The following NUFIP2 variants were observed in gnomAD, a reference collection of about 807,000 sequenced individuals.
The protein encoded by NUFIP2 is nuclear FMR1 interacting protein 2, also known as FMR1-interacting protein NUFIP2.
A neutral mutation model predicts 56.9 loss-of-function variants in NUFIP2; 6 were observed. The ratio of observed to expected loss-of-function variants is 0.11; its 90% CI spans 0.06 to 0.21. The LOEUF is 0.21. NUFIP2 is among the 10% of genes least tolerant of loss of function. The probability of loss-of-function intolerance (pLI) is 1.00; values close to 1 mark genes in which losing one functional copy is unlikely to be tolerated. For missense variants in NUFIP2, 828 were observed against 826.8 expected, an observed-to-expected ratio of 1.00 and a Z score of -0.02; for synonymous variants, 321 against 298.2, an observed-to-expected ratio of 1.08 and a Z score of -0.79.
At chr17:29,279,906 C>G (rs1464406200) in intron 2 of NUFIP2, among the ~76,000 whole-genome samples, 1 of 152,124 alleles carries the variant, frequency 6.6e-6, no homozygotes, top group African/African-American at 2.4e-5. Context: ...GCAACTTCCA[C>G]CTCCCAGATT....
At position 29,262,719 on chromosome 17, in the gene NUFIP2, ATAAGT is replaced by A. The variant is rs1403093136; in HGVS notation, c.*1815_*1819del. 6.1e-5 allele frequency: 9 copies of A among 146,772 alleles called. No homozygotes were observed. Among genetic ancestry groups the A allele is most frequent in the Non-Finnish European group, 1.3e-4 (9 of 67,022 alleles). 9.1% of individuals were successfully genotyped at this position (146,772 alleles called of 1,614,324 possible). A position where few individuals can be genotyped will look rare whatever the true frequency, so the allele number is the denominator to read the frequency against. On this transcript the variant is annotated 3_prime_UTR_variant, in exon 4 of 4. Coordinates refer to ENST00000225388, the MANE Select transcript of NUFIP2 (RefSeq NM_020772.3). ...AAGTTTCTGAACCTGGACTGATACA[ATAAGT>A]TATTTTATATATATATATATATATT...
chr17:29,281,600 G>A (rs1377317944), intron 2 of NUFIP2, among the ~76,000 whole-genome samples: 1 of 151,172 alleles, frequency 6.6e-6, no homozygotes, highest in Non-Finnish European at 1.5e-5. Context: ...GCTGAGGAAG[G>A]AGGAGAGCTT....
chr17:29,278,347 C>T (rs373322916), intron 2 of NUFIP2, among the ~76,000 whole-genome samples: 36 of 151,786 alleles, frequency 2.4e-4, no homozygotes, highest in African/African-American at 8.2e-4. Context: ...CCCGGGTTCA[C>T]GCTATTCTCC....
chr17:29,264,716 C>A, intron 3 of NUFIP2, 125 bp from the exon 4 acceptor site: 1 of 562,932 alleles, frequency 1.8e-6, no homozygotes. Context: ...AAACTTCAAG[C>A]CCATTTCCTC....
chr17:29,282,547 C>CAA (rs1332481060), intron 2 of NUFIP2, among the ~76,000 whole-genome samples: 119 of 118,526 alleles, frequency 1.0e-3, no homozygotes, highest in African/African-American at 3.4e-3. Context: ...GACCCCATCT[C>CAA]AAAAAAAAAA....
chr17:29,274,161 A>G (rs1161239269), intron 2 of NUFIP2, among the ~76,000 whole-genome samples: 1 of 152,220 alleles, frequency 6.6e-6, no homozygotes, highest in East Asian at 1.9e-4. Flanking sequence ...GTGAACAAAC[A>G]ATTACTATCC....
intron 2 of NUFIP2, among the ~76,000 whole-genome samples, chr17:29,274,328 G>C (rs1165489360): frequency 6.6e-6 from 1 of 152,116 alleles, no homozygotes; most frequent in Non-Finnish European, 1.5e-5. Flanking sequence ...AAACTAGCTG[G>C]GTGTGCTAAC....
chr17:29,270,515 T>C lies in NUFIP2; in HGVS notation c.2003-2985A>G, dbSNP rs375047144. 2.0e-3 allele frequency among the ~76,000 whole-genome samples: 300 copies of C among 152,202 alleles called. 2 individuals carry two copies. Among genetic ancestry groups the C allele is most frequent in the South Asian group, 0.015 (72 of 4,828 alleles). On this transcript the variant is annotated intron_variant, in intron 2 of 3. Transcript: ENST00000225388. ...GTCCAAATACAAGCCTTCTCTTGGT[T>C]GACCTACTGCAAAAAAAAAAATTGA...
At position 29,257,356 on chromosome 17, in the gene NUFIP2, T is replaced by C. The variant is rs1323223564; in HGVS notation, c.*7183A>G. 1 of 152,176 alleles carries C rather than the reference T, an allele frequency of 6.6e-6. No individual in the cohort carries two copies. The highest frequency in any genetic ancestry group is 6.5e-5 in the Admixed American group (1 of 15,278). 9.4% of individuals were successfully genotyped at this position (152,176 alleles called of 1,614,324 possible). ...AAATTAAACTTTCAAAACATGTGCA[T>C]AGCTTTATTCATCTACTTAGATCTA... On this transcript the variant is annotated 3_prime_UTR_variant, in exon 4 of 4. Transcript: ENST00000225388.
chr17:29,274,361 T>A (rs2069094710), intron 2 of NUFIP2, among the ~76,000 whole-genome samples: 1 of 152,154 alleles, frequency 6.6e-6, no homozygotes, highest in African/African-American at 2.4e-5. Flanking sequence ...TAGTCTCAGC[T>A]ACTCAGGAGG....
Position 29,287,056 on chromosome 17 carries a change from T to C in NUFIP2, c.938A>G (p.Lys313Arg), listed in dbSNP as rs767005687. 4.9e-5 allele frequency: 79 copies of C among 1,614,094 alleles called. 1 individual carries two copies. Among genetic ancestry groups the C allele is most frequent in the Non-Finnish European group, 6.2e-5 (73 of 1,180,042 alleles). ...TCCTTTGGGCCGATCATCAAACTTT[T>C]TGCTGCTCACACCAGGTTTACTATC... ...SSDSKPGVSSKKFDDRPKGKH... is the reference protein window; with the variant it reads ...SSDSKPGVSSRKFDDRPKGKH... Residue 313 changes from lysine (K) to arginine (R), a missense_variant, in exon 2 of 4, where the codon AAA becomes AGA. By Grantham distance (26) the Lys-to-Arg change is conservative (BLOSUM62 2). Transcript: ENST00000225388.
At position 29,257,518 on chromosome 17, in the gene NUFIP2, C is replaced by A. The variant is rs1017706871; in HGVS notation, c.*7021G>T. The A allele has an allele frequency of 6.9e-6, 1 of 144,600 alleles. No homozygotes were observed. The highest frequency in any genetic ancestry group is 2.5e-5 in the African/African-American group (1 of 39,510). The allele number at this position is 144,600 out of a possible 1,614,324, so 9.0% of individuals were successfully genotyped here. ...AAGTCACATTAGGGAAAATTCAGATCTTTTTTTTTTTTAATGACAAGAATT... is the reference window on the plus strand; with the variant it reads ...AAGTCACATTAGGGAAAATTCAGATATTTTTTTTTTTTAATGACAAGAATT... On this transcript the variant is annotated 3_prime_UTR_variant, in exon 4 of 4. Coordinates refer to ENST00000225388, the MANE Select transcript of NUFIP2 (RefSeq NM_020772.3).
At chr17:29,273,729 G>C (rs1292697991) in intron 2 of NUFIP2, among the ~76,000 whole-genome samples, 1 of 152,170 alleles carries the variant, frequency 6.6e-6, no homozygotes, top group Non-Finnish European at 1.5e-5. Flanking sequence ...GATATACCAA[G>C]TAGGCAATTT....
chr17:29,273,836 A>G (rs1272631060), intron 2 of NUFIP2, among the ~76,000 whole-genome samples: 2 of 152,194 alleles, frequency 1.3e-5, no homozygotes, highest in Non-Finnish European at 2.9e-5. Flanking sequence ...ATGAAAAGTT[A>G]ATGTTCAATT....
At chr17:29,283,711 G>A (rs1193635695) in intron 2 of NUFIP2, among the ~76,000 whole-genome samples, 1 of 152,160 alleles carries the variant, frequency 6.6e-6, no homozygotes, top group Non-Finnish European at 1.5e-5. Flanking sequence ...AGGGCAGACG[G>A]CACAGAAAAC....
Position 29,294,118 on chromosome 17 carries a change from G to T in NUFIP2, c.-59C>A. The T allele has an allele frequency of 6.5e-7, 1 of 1,539,096 alleles. No individual in the cohort carries two copies. The highest frequency in any genetic ancestry group is 1.2e-5 in the South Asian group (1 of 80,920). Reference sequence around the variant, plus strand: ...GGGCTGCTGCACCGTCAGGATCTGAGACTGCTTCTCAGGGCTCACTCAGTA... The same window carrying T: ...GGGCTGCTGCACCGTCAGGATCTGATACTGCTTCTCAGGGCTCACTCAGTA... On this transcript the variant is annotated 5_prime_UTR_variant, in exon 1 of 4. Transcript: ENST00000225388.
intron 2 of NUFIP2, among the ~76,000 whole-genome samples, chr17:29,275,303 C>T (rs186746381): frequency 1.2e-3 from 177 of 152,228 alleles, no homozygotes; most frequent in African/African-American, 4.1e-3. Context: ...GGATTACAGG[C>T]ATGAGCCACC....
intron 2 of NUFIP2, among the ~76,000 whole-genome samples, chr17:29,275,336 T>C (rs1187901066): frequency 1.3e-5 from 2 of 152,140 alleles, no homozygotes; most frequent in Non-Finnish European, 2.9e-5. Context: ...TGAAGAAGTC[T>C]TAAGCCTAGT....
chr17:29,272,762 T>C (rs1263761418), intron 2 of NUFIP2, among the ~76,000 whole-genome samples: 3 of 152,158 alleles, frequency 2.0e-5, no homozygotes, highest in Non-Finnish European at 4.4e-5. Flanking sequence ...ATCATGTCAG[T>C]ACTGAAAAAT....
Sources: allele counts gnomAD v4.1 joint callset (sites outside exome capture counted in the v4.1 genomes callset), GRCh38; gene constraint gnomAD v4.1.1; transcripts MANE v1.5; gene names NCBI Gene and HGNC (gene_info 2026-07-23, HGNC 2026-07-21).